The following LINGO2 variants were observed in gnomAD, a reference collection of about 807,000 sequenced individuals.
LINGO2 encodes leucine-rich repeat and immunoglobulin-like domain-containing nogo receptor-interacting protein 2.
In LINGO2, 14 loss-of-function variants were observed where a neutral mutation model predicts 30.6. The ratio of observed to expected loss-of-function variants is 0.46; its 90% CI spans 0.30 to 0.72. The LOEUF (loss-of-function observed/expected upper bound fraction) is 0.72, where lower values mean the gene tolerates loss of function less well. Among genes scored for constraint, LINGO2 ranks in the 30% least tolerant of loss-of-function variants. LINGO2 has a pLI of 0.07. For synonymous variants in LINGO2, 317 were observed against 288.5 expected (o/e 1.10, Z -1.00); for missense variants, 729 against 751.7 (o/e 0.97, Z 0.35).
At position 28,148,857 on chromosome 9, in the gene LINGO2, G is replaced by A. The variant is rs1428602907; in HGVS notation, c.-86-136452C>T. ...AAAGACCACCTGCCCAGCTCTCCAG[G>A]CTTGCTGATGGTGGGGGAGGACATG... On this transcript the variant is annotated intron_variant, in intron 4 of 5. Transcript: ENST00000379992. The surrounding 1 kb of genome is among the most constrained non-coding windows in gnomAD (Gnocchi z 5.1). 13 of 1,533,652 alleles carry A rather than the reference G, an allele frequency of 8.5e-6. No homozygotes were observed. Among genetic ancestry groups the A allele is most frequent in the Admixed American group, 7.8e-5 (4 of 50,968 alleles).
chr9:28,614,177 T>C (rs1826038805), intron 1 of LINGO2, among the ~76,000 whole-genome samples: 1 of 152,124 alleles, frequency 6.6e-6, no homozygotes, highest in Admixed American at 6.5e-5. Context: ...CTATATTCTT[T>C]AAAAAGTATC....
At chr9:27,947,007 T>C (rs1235075803), downstream of LINGO2, among the ~76,000 whole-genome samples, 2 of 152,150 alleles carry the variant, frequency 1.3e-5, no homozygotes, top group African/African-American at 4.8e-5. Flanking sequence ...GCCTTTTGAA[T>C]GTCAACCCGC....
intron 4 of LINGO2, among the ~76,000 whole-genome samples, chr9:28,110,639 T>C (rs1826749688): frequency 6.6e-6 from 1 of 152,182 alleles, no homozygotes; most frequent in South Asian, 2.1e-4. Context: ...TATGAAAAAC[T>C]CATCATCACT....
chr9:28,878,728 A>G, the LINGO2 span, among the ~76,000 whole-genome samples: 1 of 152,122 alleles, frequency 6.6e-6, no homozygotes, highest in South Asian at 2.1e-4. Flanking sequence ...ACAGAACCAA[A>G]GACAAAAACC....
intron 1 of LINGO2, among the ~76,000 whole-genome samples, chr9:28,522,738 T>C (rs1377126612): frequency 1.3e-5 from 2 of 152,174 alleles, no homozygotes; most frequent in Non-Finnish European, 2.9e-5. Context: ...AAGAAAATTA[T>C]TTCTACAGAG....
the LINGO2 span, among the ~76,000 whole-genome samples, chr9:29,018,046 A>ATC: frequency 9.4e-6 from 1 of 106,124 alleles, no homozygotes; most frequent in Admixed American, 1.1e-4. Context: ...AGAGAGAGAG[A>ATC]GATCTATATA....
chr9:29,029,273 T>G, the LINGO2 span, among the ~76,000 whole-genome samples: 1 of 152,148 alleles, frequency 6.6e-6, no homozygotes, highest in Non-Finnish European at 1.5e-5. Flanking sequence ...GTAAATTGCT[T>G]AATATTTACA....
At chr9:28,965,840 A>G in the LINGO2 span, among the ~76,000 whole-genome samples, 1 of 152,164 alleles carries the variant, frequency 6.6e-6, no homozygotes, top group East Asian at 1.9e-4. Flanking sequence ...AAATATAAAT[A>G]TATCCATGTG....
intron 1 of LINGO2, among the ~76,000 whole-genome samples, chr9:28,566,811 T>C (rs1397572634): frequency 6.6e-6 from 1 of 152,142 alleles, no homozygotes; most frequent in Non-Finnish European, 1.5e-5. Context: ...GTGCCTAAAA[T>C]AAAATGCCTG....
intron 2 of LINGO2, among the ~76,000 whole-genome samples, chr9:28,462,978 T>C (rs1825143220): frequency 6.6e-6 from 1 of 152,116 alleles, no homozygotes; most frequent in Non-Finnish European, 1.5e-5. Flanking sequence ...TCGTGGGAAC[T>C]ACATACAGGG....
At chr9:28,565,562 A>AT (rs1046655212) in intron 1 of LINGO2, among the ~76,000 whole-genome samples, 175 of 148,380 alleles carry the variant, frequency 1.2e-3, no homozygotes, top group South Asian at 1.1e-3. Context: ...CAAAAGAATT[A>AT]TTTTTTTGAG....
At chr9:29,074,216 A>G in the LINGO2 span, among the ~76,000 whole-genome samples, 1 of 152,168 alleles carries the variant, frequency 6.6e-6, no homozygotes, top group African/African-American at 2.4e-5. Context: ...ATAAATCTAC[A>G]TAAATGTATC....
chr9:28,239,061 A>G (rs1444031480), intron 4 of LINGO2, among the ~76,000 whole-genome samples: 1 of 152,084 alleles, frequency 6.6e-6, no homozygotes, highest in African/African-American at 2.4e-5. Context: ...AAATTCACAG[A>G]CATCTACAAC....
intron 4 of LINGO2, among the ~76,000 whole-genome samples, chr9:28,033,135 G>C (rs1437918777): frequency 1.3e-5 from 2 of 152,214 alleles, no homozygotes; most frequent in Non-Finnish European, 2.9e-5. Flanking sequence ...TACGTTGTTA[G>C]TTGCGTATGT....
the LINGO2 span, among the ~76,000 whole-genome samples, chr9:29,140,238 AT>A: frequency 6.6e-6 from 1 of 152,050 alleles, no homozygotes; most frequent in Non-Finnish European, 1.5e-5. Context: ...ACCTTCAAAA[AT>A]GGGCACGTAT....
chr9:29,097,025 T>C, the LINGO2 span, among the ~76,000 whole-genome samples: 1 of 139,668 alleles, frequency 7.2e-6, no homozygotes, highest in African/African-American at 2.7e-5. Flanking sequence ...AATCATAATA[T>C]GGTAATTCTG....
chr9:28,247,393 T>C (rs1156322512), intron 4 of LINGO2, among the ~76,000 whole-genome samples: 1 of 152,178 alleles, frequency 6.6e-6, no homozygotes, highest in Non-Finnish European at 1.5e-5. Context: ...ATGTGGTACA[T>C]ATAAACCATG....
At chr9:28,921,680 G>A in the LINGO2 span, among the ~76,000 whole-genome samples, 1 of 152,080 alleles carries the variant, frequency 6.6e-6, no homozygotes, top group African/African-American at 2.4e-5. Context: ...AATCATCTGT[G>A]TCTTAAACCA....
At chr9:27,980,810 G>A (rs947041334) in intron 5 of LINGO2, among the ~76,000 whole-genome samples, 8 of 151,818 alleles carry the variant, frequency 5.3e-5, no homozygotes, top group Non-Finnish European at 1.2e-4. Context: ...AGCTTGAGGG[G>A]ATAAGGCAAT....
Sources: allele counts gnomAD v4.1 joint callset (sites outside exome capture counted in the v4.1 genomes callset), GRCh38; gene constraint gnomAD v4.1.1; non-coding constraint Gnocchi (gnomAD v3.1); transcripts MANE v1.5; gene names NCBI Gene and HGNC (gene_info 2026-07-23, HGNC 2026-07-21).